Variants in CFAP74 observed in about 807,000 individuals in gnomAD.
The protein encoded by CFAP74 is cilia- and flagella-associated protein 74.
A neutral mutation model predicts 188.9 loss-of-function variants in CFAP74; 124 were observed. That is an observed-to-expected ratio of 0.66 (90% CI 0.57 to 0.76). The LOEUF is 0.76. Ranked by LOEUF, CFAP74 falls within the 30% of genes least tolerant of loss-of-function variation. CFAP74 has a pLI of 0.00. For missense variants in CFAP74, 2,198 were observed against 2,165.2 expected (o/e 1.02, Z -0.30); for synonymous variants, 956 against 916.7 (o/e 1.04, Z -0.77).
At chr1:1,993,347 C>A (rs1010877459) in intron 1 of CFAP74, among the ~76,000 whole-genome samples, 1 of 151,576 alleles carries the variant, frequency 6.6e-6, no homozygotes, top group Non-Finnish European at 1.5e-5. Context: ...TGCAGTGGTG[C>A]GATCACAGCT....
Position 1,921,963 on chromosome 1 carries a change from C to T in CFAP74, c.*324G>A. On this transcript the variant is annotated 3_prime_UTR_variant, in exon 39 of 39. Transcript: ENST00000682832. ...CCACACTGCAGGCTGCATGTGTTGG[C>T]CTACAAAAAATTTATTGACAGGCTG... The T allele has an allele frequency of 3.0e-6, 1 of 331,126 alleles. No individual in the cohort carries two copies. Among genetic ancestry groups the T allele is most frequent in the Non-Finnish European group, 5.6e-6 (1 of 177,898 alleles). 20.5% of individuals were successfully genotyped at this position (331,126 alleles called of 1,614,324 possible). A position where few individuals can be genotyped will look rare whatever the true frequency, so the allele number is the denominator to read the frequency against.
At position 1,976,779 on chromosome 1, in the gene CFAP74, G is replaced by A. The variant is rs148999548; in HGVS notation, c.501-2581C>T. On this transcript the variant is annotated intron_variant, in intron 6 of 38. Coordinates refer to ENST00000682832, the MANE Select transcript of CFAP74 (RefSeq NM_001304360.2). ...GCTGGTCTCAAACTCCTGACCTCAG[G>A]TGATCTGCCCACCTTGGCCTCCCAA... Among the ~76,000 whole-genome samples, 556 of 152,020 alleles carry A rather than the reference G, an allele frequency of 3.7e-3. 2 individuals are homozygous for A. The highest frequency in any genetic ancestry group is 0.013 in the African/African-American group (537 of 41,478).
intron 25 of CFAP74, among the ~76,000 whole-genome samples, chr1:1,932,398 A>G (rs1168755509): frequency 4.7e-5 from 5 of 107,188 alleles, no homozygotes; most frequent in African/African-American, 1.1e-4. Context: ...CTCTGTCTCA[A>G]AAAAAAAAAA....
At chr1:1,935,860 T>C (rs981894287) in intron 25 of CFAP74, among the ~76,000 whole-genome samples, 20 of 145,826 alleles carry the variant, frequency 1.4e-4, no homozygotes, top group African/African-American at 4.7e-4. Context: ...CTTTTTTTTT[T>C]CAGCACTACA....
At chr1:1,992,675 T>C in intron 1 of CFAP74, among the ~76,000 whole-genome samples, 1 of 151,514 alleles carries the variant, frequency 6.6e-6, no homozygotes, top group Non-Finnish European at 1.5e-5. Context: ...GGGGTTTCAC[T>C]GTGTTAGCCA....
chr1:1,996,059 A>C (rs867450236), intron 1 of CFAP74, among the ~76,000 whole-genome samples: 2 of 152,138 alleles, frequency 1.3e-5, no homozygotes, highest in African/African-American at 4.8e-5. Flanking sequence ...ATCTCGGCTC[A>C]CTGCAACCTC....
chr1:1,961,926 A>G (rs547562222), intron 14 of CFAP74, among the ~76,000 whole-genome samples: 1 of 152,348 alleles, frequency 6.6e-6, no homozygotes, highest in East Asian at 1.9e-4. Flanking sequence ...ATCAGAGCCC[A>G]CGCGCCCCTG....
At position 1,959,967 on chromosome 1, in the gene CFAP74, C is replaced by T. The variant is rs181760641; in HGVS notation, c.1758G>A (p.Pro586=). The T allele has an allele frequency of 4.5e-5, 72 of 1,589,278 alleles. No individual in the cohort carries two copies. The highest frequency in any genetic ancestry group is 1.4e-4 in the African/African-American group (10 of 72,698). The change falls in exon 15 of 39, where the codon CCG becomes CCA. Residue 586 remains proline, a synonymous_variant. Transcript: ENST00000682832. ...AGAACGGGCCCCTCTGACTCACCATCGGCTTGAAGGTGACAAGCACTTCAC... is the reference window on the plus strand; with the variant it reads ...AGAACGGGCCCCTCTGACTCACCATTGGCTTGAAGGTGACAAGCACTTCAC... ...MSCEVLVTFK[P]MINKDLEGNI... is the part of the protein sequence containing the mutation.
intron 22 of CFAP74, among the ~76,000 whole-genome samples, chr1:1,940,656 C>G (rs1265706847): frequency 1.3e-5 from 2 of 152,186 alleles, no homozygotes; most frequent in Admixed American, 6.5e-5. Flanking sequence ...GTGACTGTGG[C>G]TCAAAAGCTG....
intron 15 of CFAP74, among the ~76,000 whole-genome samples, chr1:1,959,717 C>T (rs28446828): frequency 0.13 from 20,116 of 152,188 alleles, 2,538 homozygotes; most frequent in African/African-American, 0.32. Context: ...CCAGCCCTCC[C>T]GACTTAGACC....
chr1:1,993,987 A>C (rs1001771614), intron 1 of CFAP74, among the ~76,000 whole-genome samples: 12 of 151,124 alleles, frequency 7.9e-5, no homozygotes, highest in African/African-American at 2.9e-4. Context: ...GTCTCAAAAA[A>C]AATAAAAATA....
intron 1 of CFAP74, among the ~76,000 whole-genome samples, chr1:1,992,019 G>C (rs1440795311): frequency 6.7e-6 from 1 of 149,716 alleles, no homozygotes; most frequent in Non-Finnish European, 1.5e-5. Context: ...CAGCCTGGGT[G>C]ACAGAGCGAG....
intron 20 of CFAP74, among the ~76,000 whole-genome samples, chr1:1,945,757 G>A (rs1226231262): frequency 1.3e-5 from 2 of 151,570 alleles, no homozygotes; most frequent in African/African-American, 4.9e-5. Context: ...GAGCCCAGGG[G>A]TTAGAGGCTG....
At chr1:1,966,615 C>T (rs1223598723) in intron 11 of CFAP74, 89 bp from the exon 12 acceptor site, 4 of 1,238,918 alleles carry the variant, frequency 3.2e-6, no homozygotes, top group African/African-American at 1.5e-5. Flanking sequence ...CGGTATGGCC[C>T]GCTGCCTGCC....
rs1407804656 is a variant in CFAP74 at position 1,975,846 on chromosome 1, C to T, written c.501-1648G>A. ...GCCCGGTGATCAGTGCTCCAGTGGC[C>T]GTGGGAGCTAACAGCCTGCAGGGTC... On this transcript the variant is annotated intron_variant, in intron 6 of 38. Transcript: ENST00000682832. The surrounding 1 kb of genome is among the most constrained non-coding windows in gnomAD (Gnocchi z 4.5). 3.3e-5 allele frequency among the ~76,000 whole-genome samples: 5 copies of T among 152,184 alleles called. No individual in the cohort carries two copies. Among genetic ancestry groups the T allele is most frequent in the South Asian group, 2.1e-4 (1 of 4,790 alleles).
Position 1,926,332 on chromosome 1 carries a change from G to A in CFAP74, c.3844C>T (p.Leu1282=), listed in dbSNP as rs1651891153. The change falls in exon 32 of 39, where the codon CTG becomes TTG. Residue 1282 remains leucine, a synonymous_variant. Coordinates refer to ENST00000682832, the MANE Select transcript of CFAP74 (RefSeq NM_001304360.2). ...AGGACAAAGGGGCCGTTGGGGTTCA[G>A]CAGGGAGAAGTCCAGCTGAGGGTCC... ...PEDLALDFSL[L]NPNGPFVLLN... is the part of the protein sequence containing the mutation. 1 of 1,548,344 alleles carries A rather than the reference G, an allele frequency of 6.5e-7. No homozygotes were observed. The highest frequency in any genetic ancestry group is 8.7e-7 in the Non-Finnish European group (1 of 1,145,766).
At chr1:1,924,687 C>G (rs1349825730) in intron 33 of CFAP74, among the ~76,000 whole-genome samples, 167 bp from the exon 34 acceptor site, 1 of 152,182 alleles carries the variant, frequency 6.6e-6, no homozygotes, top group African/African-American at 2.4e-5. Flanking sequence ...TGTGTGCCAA[C>G]ATCCCTTCTT....
At chr1:1,982,328 G>C (rs1363594699) in intron 6 of CFAP74, among the ~76,000 whole-genome samples, 1 of 150,940 alleles carries the variant, frequency 6.6e-6, no homozygotes, top group African/African-American at 2.4e-5. Context: ...TCACACGCGG[G>C]GACACGCAGG....
rs1651480450 is a variant in CFAP74, at chr1:1,922,705, C to G, written c.4702G>C (p.Asp1568His). The part of the protein sequence containing the change: ...SPKKTVEFSI[D>H]SVASLQHKGF... The stretch of plus-strand genomic sequence containing the variant: ...TTGTGCTGCAGGGATGCGACGCTGT[C>G]TATGCTGAACTCAACGGTCTGTGGG... The change falls in exon 38 of 39, where the codon GAC becomes CAC. Residue 1568 changes from aspartate to histidine, a missense_variant. Coordinates refer to ENST00000682832, the MANE Select transcript of CFAP74 (RefSeq NM_001304360.2). 1.9e-6 allele frequency: 3 copies of G among 1,602,218 alleles called. No individual in the cohort carries two copies. In the East Asian group the frequency reaches 6.8e-5, roughly 36 times the overall value.
Sources: gnomAD v4.1 joint callset for allele counts (sites outside exome capture counted in the v4.1 genomes callset) on GRCh38, gnomAD v4.1.1 for gene constraint, Gnocchi (gnomAD v3.1) non-coding constraint, MANE v1.5 for transcripts, NCBI Gene and HGNC (gene_info 2026-07-23, HGNC 2026-07-21) for gene names.